The following CFAP47 variants were observed in gnomAD, a reference collection of about 807,000 sequenced individuals.
CFAP47 encodes cilia and flagella associated protein 47, also known as cilia- and flagella-associated protein 47.
In CFAP47, 29 loss-of-function variants were observed where a neutral mutation model predicts 148.1. That is an observed-to-expected ratio of 0.20 (90% CI 0.15 to 0.27). CFAP47 has a LOEUF of 0.27. CFAP47 is among the 10% of genes least tolerant of loss of function. The pLI is 1.00. For synonymous variants in CFAP47, 664 were observed against 577.3 expected, an observed-to-expected ratio of 1.15 and a Z score of -2.15; for missense variants, 1,872 against 1,697.5, an observed-to-expected ratio of 1.10 and a Z score of -1.81.
intron 4 of CFAP47, 106 bp from the exon 5 acceptor site, chrX:35,951,025 T>C: frequency 1.9e-6 from 1 of 533,513 alleles, no homozygotes; most frequent in Non-Finnish European, 3.1e-6. Flanking sequence ...TTAATGATAA[T>C]GTGATTCTAT....
At chrX:36,015,242 CATAAA>C (rs72194999) in intron 22 of CFAP47, among the ~76,000 whole-genome samples, 16,012 of 108,770 alleles carry the variant, frequency 0.15, 1,233 homozygotes, top group East Asian at 0.29. Flanking sequence ...ATGCATTTAA[CATAAA>C]ATAAAATAAT....
chrX:36,374,511 T>G (rs1942003369), intron 62 of CFAP47, among the ~76,000 whole-genome samples: 1 of 111,301 alleles, frequency 9.0e-6, no homozygotes, highest in Non-Finnish European at 1.9e-5. Flanking sequence ...TTTCTATGAC[T>G]TTTCTATTCT....
At chrX:35,976,070 A>C (rs888565591) in intron 15 of CFAP47, among the ~76,000 whole-genome samples, 157 bp downstream of exon 15, 1 of 111,474 alleles carries the variant, frequency 9.0e-6, no homozygotes, top group Non-Finnish European at 1.9e-5. Context: ...TTACAGATAT[A>C]ATATGATTTG....
Position 36,283,049 on chromosome X carries a change from G to A in CFAP47, c.7588+2419G>A, listed in dbSNP as rs1176026956. 9.9e-5 allele frequency among the ~76,000 whole-genome samples: 11 copies of A among 110,562 alleles called. No individual in the cohort carries two copies. In the Admixed American group the frequency reaches 1.1e-3, roughly 11 times the overall value. On this transcript the variant is annotated intron_variant, in intron 50 of 63. Transcript: ENST00000378653. ...TATGAATGTATCAATTATGTATATT[G>A]TATACACCCCAGTATATTTATGTGT...
chrX:35,961,461 C>G (rs1234625330), intron 8 of CFAP47, among the ~76,000 whole-genome samples: 2 of 111,146 alleles, frequency 1.8e-5, no homozygotes, highest in Non-Finnish European at 3.8e-5. Context: ...GGGATTTTGT[C>G]AGAAAGTTTT....
At chrX:36,323,266 T>A (rs1377279922) in intron 57 of CFAP47, among the ~76,000 whole-genome samples, 1 of 110,450 alleles carries the variant, frequency 9.1e-6, no homozygotes. Flanking sequence ...ATAAAAACCT[T>A]AAGTTCTATG....
chrX:36,318,676 C>T (rs1941455543), intron 56 of CFAP47, among the ~76,000 whole-genome samples: 1 of 111,817 alleles, frequency 8.9e-6, no homozygotes, highest in South Asian at 3.7e-4. Flanking sequence ...TTTCAATCTG[C>T]CTTTGGTTGA....
At chrX:36,217,400 A>G (rs1019853553) in intron 45 of CFAP47, among the ~76,000 whole-genome samples, 1 of 110,751 alleles carries the variant, frequency 9.0e-6, no homozygotes, top group Non-Finnish European at 1.9e-5. Flanking sequence ...CTGGGTCTTT[A>G]ACTGTGGAAT....
At chrX:36,235,837 C>T (rs909239063) in intron 46 of CFAP47, 97 bp from the exon 47 acceptor site, 2 of 362,511 alleles carry the variant, frequency 5.5e-6, no homozygotes, top group Admixed American at 1.1e-4. Flanking sequence ...ATTAAAAATA[C>T]AATATATAAT....
chrX:36,110,288 T>C (rs1196070191), intron 33 of CFAP47, among the ~76,000 whole-genome samples: 1 of 111,855 alleles, frequency 8.9e-6, no homozygotes, highest in African/African-American at 3.3e-5. Flanking sequence ...TTAATTTTTA[T>C]ATATAGTGTA....
rs182221576 is a variant in CFAP47 at position 36,353,594 on chromosome X, T to G, written c.8764T>G (p.Phe2922Val). The change falls in exon 60 of 64, where the codon TTT becomes GTT. Residue 2922 changes from phenylalanine to valine, a missense_variant. Physicochemically the swap from Phe to Val is conservative, Grantham distance 50 (BLOSUM62 -1). Coordinates refer to ENST00000378653, the MANE Select transcript of CFAP47 (RefSeq NM_001304548.2). ...GGTAGAAATCATACTGAATGCTGGT[T>G]TTTTCGGATTTAGTCTTACTCCAGA... ...EKVEIILNAG[F>V]FGFSLTPDLT... 77 of 1,160,535 alleles carry G rather than the reference T, an allele frequency of 6.6e-5. No homozygotes were observed. The highest frequency in any genetic ancestry group is 4.7e-5 in the Non-Finnish European group (41 of 868,091).
intron 2 of CFAP47, among the ~76,000 whole-genome samples, chrX:35,933,818 G>A (rs1935868453): frequency 8.9e-6 from 1 of 111,901 alleles, no homozygotes; most frequent in African/African-American, 3.2e-5. Flanking sequence ...TTTCCCTGAT[G>A]ATCAGTGATG....
At chrX:36,216,086 T>C (rs1940156517) in intron 45 of CFAP47, among the ~76,000 whole-genome samples, 1 of 111,714 alleles carries the variant, frequency 9.0e-6, no homozygotes, top group South Asian at 3.8e-4. Context: ...CCTCTCTTGG[T>C]GGGCAGGCGG....
At chrX:36,222,208 G>A (rs1157127500) in intron 45 of CFAP47, among the ~76,000 whole-genome samples, 4 of 111,848 alleles carry the variant, frequency 3.6e-5, no homozygotes, top group Non-Finnish European at 5.7e-5. Flanking sequence ...GACATTTGAG[G>A]TTGGTCCGGC....
intron 42 of CFAP47, among the ~76,000 whole-genome samples, chrX:36,196,369 T>A (rs868977102): frequency 1.3e-4 from 15 of 111,361 alleles, no homozygotes; most frequent in African/African-American, 4.9e-4. Flanking sequence ...CTCAGCCTTC[T>A]CAAACAAATA....
At chrX:36,303,795 C>A in intron 53 of CFAP47, 54 bp from the exon 54 acceptor site, 1 of 618,571 alleles carries the variant, frequency 1.6e-6, no homozygotes, top group Non-Finnish European at 2.4e-6. Flanking sequence ...ATGGAATTAA[C>A]ACTAAATAAG....
chrX:36,042,496 A>G (rs1015697694), intron 25 of CFAP47, among the ~76,000 whole-genome samples: 1 of 111,130 alleles, frequency 9.0e-6, no homozygotes, highest in African/African-American at 3.3e-5. Flanking sequence ...ATTTCAGCAT[A>G]TAATATATAG....
chrX:35,946,280 A>G (rs1430343198), intron 3 of CFAP47, among the ~76,000 whole-genome samples: 1 of 112,170 alleles, frequency 8.9e-6, no homozygotes, highest in Non-Finnish European at 1.9e-5. Context: ...GTTAAATAAG[A>G]CATAGTAATG....
intron 51 of CFAP47, among the ~76,000 whole-genome samples, chrX:36,290,357 T>C (rs1311056127): frequency 5.3e-5 from 6 of 112,441 alleles, no homozygotes; most frequent in African/African-American, 1.6e-4. Flanking sequence ...TCTGGTTAGA[T>C]ACGATGTTAA....
Sources: allele counts gnomAD v4.1 joint callset (sites outside exome capture counted in the v4.1 genomes callset), GRCh38; gene constraint gnomAD v4.1.1; transcripts MANE v1.5; gene names NCBI Gene and HGNC (gene_info 2026-07-23, HGNC 2026-07-21).